TAT: variants seen among roughly 807,000 people sequenced by gnomAD.
The protein encoded by TAT is L-tyrosine:2-oxoglutarate aminotransferase.
Under a neutral mutation model 53.6 loss-of-function variants are expected in TAT, and 35 were observed. The observed-to-expected ratio is 0.65, with a 90% CI of 0.50 to 0.87. TAT has a LOEUF of 0.87. Ranked by LOEUF, TAT falls within the 40% of genes least tolerant of loss-of-function variation. The probability of loss-of-function intolerance (pLI) is 0.00; values close to 1 mark genes in which losing one functional copy is unlikely to be tolerated. For synonymous variants in TAT, 197 were observed against 206.5 expected, an observed-to-expected ratio of 0.95 and a Z score of 0.39; for missense variants, 525 against 571.8, an observed-to-expected ratio of 0.92 and a Z score of 0.83.
In TAT at chr16:71,576,407, T is replaced by G. The variant is rs145855545; in HGVS notation, c.9A>C (p.Pro3=). The G allele has an allele frequency of 4.3e-6, 7 of 1,614,082 alleles. No individual in the cohort carries two copies. In the African/African-American group the frequency reaches 6.7e-5, roughly 15 times the overall value. Residue 3 remains proline, a synonymous_variant, in exon 2 of 12, where the codon CCA becomes CCC. Transcript: ENST00000355962. Reference sequence around the variant, plus strand: ...CTTTGCTGCTCATCTGAATCATGTATGGGTCCATCACTAGCGAAGCCTGCG... The same window carrying G: ...CTTTGCTGCTCATCTGAATCATGTAGGGGTCCATCACTAGCGAAGCCTGCG... MD[P]YMIQMSSKGN...
intron 1 of TAT, 42 bp from the exon 2 acceptor site, chr16:71,576,469 C>T (rs1230712890): frequency 6.9e-5 from 106 of 1,542,404 alleles, no homozygotes; most frequent in Non-Finnish European, 8.9e-5. Context: ...GATAACATAG[C>T]GCTGGGGGAC....
chr16:71,572,921 CTT>C (rs2044213010), intron 4 of TAT, among the ~76,000 whole-genome samples: 1 of 152,220 alleles, frequency 6.6e-6, no homozygotes, highest in Non-Finnish European at 1.5e-5. Flanking sequence ...ACTCAGCAGA[CTT>C]CCATGAGAGA....
intron 10 of TAT, among the ~76,000 whole-genome samples, 175 bp from the exon 11 acceptor site, chr16:71,568,984 T>C (rs999099526): frequency 6.6e-6 from 1 of 152,202 alleles, no homozygotes; most frequent in Admixed American, 6.5e-5. Context: ...AGACAGGATA[T>C]ATTTTTATTA....
In TAT at chr16:71,570,421, T is replaced by TG. The variant is rs750018233; in HGVS notation, c.913-25dup. ...ATCTAAAAGACACCCACAAGAAACA[T>TG]GTTGTTTAGCTTTTCTTAAGCATCT... On this transcript the variant is annotated intron_variant, in intron 8 of 11. Coordinates refer to ENST00000355962, the MANE Select transcript of TAT (RefSeq NM_000353.3). 9.9e-5 allele frequency: 159 copies of TG among 1,613,948 alleles called. 1 individual carries two copies. The highest frequency in any genetic ancestry group is 1.2e-4 in the Non-Finnish European group (144 of 1,180,012).
At chr16:71,572,494 CTG>C in intron 5 of TAT, 34 bp downstream of exon 5, 1 of 1,613,860 alleles carries the variant, frequency 6.2e-7, no homozygotes, top group Non-Finnish European at 8.5e-7. Flanking sequence ...AGGTTAGTAA[CTG>C]AGCATTTGAG....
At chr16:71,569,786 T>C in intron 10 of TAT, 68 bp downstream of exon 10, 2 of 1,479,180 alleles carry the variant, frequency 1.4e-6, no homozygotes, top group Non-Finnish European at 1.9e-6. Flanking sequence ...CCTGTGGCAA[T>C]TCTGCTGAAT....
At position 71,576,192 on chromosome 16, in the gene TAT, G is replaced by A. The variant is rs773076331; in HGVS notation, c.224C>T (p.Ser75Phe). The A allele has an allele frequency of 2.1e-5, 34 of 1,613,874 alleles. No homozygotes were observed. The Admixed American group carries it at 5.7e-4, about 27-fold the overall frequency. ...VKPNPNKTMI[S>F]LSIGDPTVFG... ...TGTCCCCAACTCACCAATGGACAGG[G>A]AAATCATGGTTTTGTTTGGATTTGG... Residue 75 changes from serine (S) to phenylalanine (F), a missense_variant, in exon 2 of 12, where the codon TCC (serine) becomes TTC (phenylalanine). By Grantham distance (155) the Ser-to-Phe change is radical. Coordinates refer to ENST00000355962, the MANE Select transcript of TAT (RefSeq NM_000353.3).
At chr16:71,575,560 A>T (rs1323922578) in intron 3 of TAT, 1 of 362,446 alleles carries the variant, frequency 2.8e-6, no homozygotes, top group African/African-American at 2.1e-5. Flanking sequence ...TACACAGAGC[A>T]ATAAGTAAAT....
In TAT at chr16:71,570,722, C is replaced by T. The variant is rs199894323; in HGVS notation, c.869G>A (p.Gly290Asp). The T allele has an allele frequency of 6.2e-7, 1 of 1,614,122 alleles. No individual in the cohort carries two copies. Among genetic ancestry groups the T allele is most frequent in the African/African-American group, 1.3e-5 (1 of 74,930 alleles). Residue 290 changes from glycine to aspartate, a missense_variant, in exon 8 of 12, where the codon GGC (glycine) becomes GAC (aspartate). Physicochemically the swap from Gly to Asp is moderately conservative, Grantham distance 94. Coordinates refer to ENST00000355962, the MANE Select transcript of TAT (RefSeq NM_000353.3). ...TCTTCGGTCATGAATGAGGATCCAGCCCAACCTCCAGCCAGGAACCAGCCA... is the reference window on the plus strand; with the variant it reads ...TCTTCGGTCATGAATGAGGATCCAGTCCAACCTCCAGCCAGGAACCAGCCA... ...KRWLVPGWRLGWILIHDRRDI... is the reference protein window; with the variant it reads ...KRWLVPGWRLDWILIHDRRDI...
rs762748054 is a variant in TAT at position 71,568,239 on chromosome 16, C to T, written c.1270G>A (p.Glu424Lys). The stretch of plus-strand genomic sequence containing the variant: ...CTGCACGCCTCCAGCATCATCACCT[C>T]GGGGACTGTGATGACCACTCGGATG... ...NFIRVVITVP[E>K]VMMLEACSRI... The change falls in exon 12 of 12, where the codon GAG (glutamate) becomes AAG (lysine). Residue 424 changes from glutamate (E) to lysine (K), a missense_variant. Transcript: ENST00000355962. 9.3e-6 allele frequency: 15 copies of T among 1,613,996 alleles called. No individual in the cohort carries two copies. Among genetic ancestry groups the T allele is most frequent in the South Asian group, 7.7e-5 (7 of 91,082 alleles).
Position 71,570,256 on chromosome 16 carries a change from G to A in TAT, c.1041+13C>T, listed in dbSNP as rs1261948067. 5.0e-6 allele frequency: 8 copies of A among 1,614,042 alleles called. No homozygotes were observed. The highest frequency in any genetic ancestry group is 6.8e-6 in the Non-Finnish European group (8 of 1,180,034). On this transcript the variant is annotated intron_variant, in intron 9 of 11. Transcript: ENST00000355962. ...CCCAAACTCCCAAAGTGGAGGGCAG[G>A]AGCTGCCCTTACCTTGAGGAAGCTC...
Position 71,573,616 on chromosome 16 carries a change from A to C in TAT, c.341-10T>G. On this transcript the variant is annotated splice_polypyrimidine_tract_variant and intron_variant, in intron 3 of 11. Coordinates refer to ENST00000355962, the MANE Select transcript of TAT (RefSeq NM_000353.3). ...CGACTGGATAGGAAGCCTGAAAGAA[A>C]AGAGTGGAAAGTGGAGCTTTTTTGG... 1 of 1,551,894 alleles carries C rather than the reference A, an allele frequency of 6.4e-7. No homozygotes were observed. The highest frequency in any genetic ancestry group is 8.7e-7 in the Non-Finnish European group (1 of 1,147,000).
chr16:71,572,759 G>A (rs1194851441), intron 4 of TAT, 71 bp from the exon 5 acceptor site: 1 of 1,571,022 alleles, frequency 6.4e-7, no homozygotes, highest in Non-Finnish European at 8.7e-7. Flanking sequence ...GTTGTCAGGT[G>A]GGTGAGTTGG....
Position 71,572,531 on chromosome 16 carries a change from A to G in TAT, c.566T>C (p.Leu189Ser). ...GTCTAAGATTAAAAAGTCATTTACC[A>G]ACAAATTGTAGAGTTTGACCTCAAT... ...MGIEVKLYNL[L>S]PEKSWEIDLK... The change falls in exon 5 of 12, where the codon TTG (leucine) becomes TCG (serine). Residue 189 changes from leucine (L) to serine (S), a missense_variant and splice_region_variant. Transcript: ENST00000355962. 9 of 1,614,230 alleles carry G rather than the reference A, an allele frequency of 5.6e-6. No individual in the cohort carries two copies. The highest frequency in any genetic ancestry group is 7.6e-6 in the Non-Finnish European group (9 of 1,180,036).
chr16:71,576,444 G>T lies in TAT; in HGVS notation c.-12-17C>A, dbSNP rs1044403612. The T allele has an allele frequency of 1.2e-6, 2 of 1,602,674 alleles. No homozygotes were observed. The highest frequency in any genetic ancestry group is 2.2e-5 in the East Asian group (1 of 44,846). ...TAGCGAAGCCTGCGAGGGGAAAGAA[G>T]TTCCCTGTGATGTTGATAACATAGC... On this transcript the variant is annotated splice_polypyrimidine_tract_variant and intron_variant, in intron 1 of 11. Transcript: ENST00000355962.
chr16:71,574,772 CATA>C (rs201790370), intron 3 of TAT, among the ~76,000 whole-genome samples: 1,897 of 152,198 alleles, frequency 0.012, 16 homozygotes, highest in Middle Eastern at 0.02. Flanking sequence ...TCATGCCCAT[CATA>C]ATATTTTGCA....
intron 3 of TAT, among the ~76,000 whole-genome samples, chr16:71,574,358 A>G (rs1362832457): frequency 6.6e-6 from 1 of 152,166 alleles, no homozygotes; most frequent in Non-Finnish European, 1.5e-5. Flanking sequence ...AGGTGGGTGG[A>G]TCACCTGAGG....
In TAT at chr16:71,567,167, A is replaced by C. The variant is rs79706961; in HGVS notation, c.*977T>G. 14 of 152,190 alleles carry C rather than the reference A, an allele frequency of 9.2e-5. No individual in the cohort carries two copies. The highest frequency in any genetic ancestry group is 3.1e-4 in the African/African-American group (13 of 41,480). 9.4% of individuals were successfully genotyped at this position (152,190 alleles called of 1,614,324 possible). A position where few individuals can be genotyped will look rare whatever the true frequency, so the allele number is the denominator to read the frequency against. ...CTCACGCCTGTAATCCCAGTACTTT[A>C]GGAGACCCAGGCGGGCAGATTGCCT... On this transcript the variant is annotated 3_prime_UTR_variant, in exon 12 of 12. Coordinates refer to ENST00000355962, the MANE Select transcript of TAT (RefSeq NM_000353.3).
chr16:71,576,556 T>A (rs968349773), intron 1 of TAT, 129 bp from the exon 2 acceptor site: 1 of 811,664 alleles, frequency 1.2e-6, no homozygotes, highest in African/African-American at 1.7e-5. Flanking sequence ...TTATTTTTTT[T>A]TCTACTTTCT....
Sources: gnomAD v4.1 joint callset for allele counts (sites outside exome capture counted in the v4.1 genomes callset) on GRCh38, gnomAD v4.1.1 for gene constraint, MANE v1.5 for transcripts, NCBI Gene and HGNC (gene_info 2026-07-23, HGNC 2026-07-21) for gene names.